The following RNLS variants were observed in gnomAD, a reference collection of about 807,000 sequenced individuals.
RNLS encodes renalase.
A neutral mutation model predicts 39.8 loss-of-function variants in RNLS; 39 were observed. The observed-to-expected ratio is 0.98, with a 90% CI of 0.76 to 1.28. The LOEUF is 1.28. RNLS is among the 50% of genes most tolerant of loss of function. RNLS has a pLI of 0.00. For synonymous variants in RNLS, 147 were observed against 150.7 expected, an observed-to-expected ratio of 0.98 and a Z score of 0.18; for missense variants, 410 against 413.3, an observed-to-expected ratio of 0.99 and a Z score of 0.07.
intron 4 of RNLS, among the ~76,000 whole-genome samples, chr10:88,471,800 C>T (rs553245303): frequency 6.6e-6 from 1 of 152,070 alleles, no homozygotes. Context: ...CTAATTCTCC[C>T]AGCAACAATG....
chr10:88,411,994 G>A (rs1222827872), intron 4 of RNLS, among the ~76,000 whole-genome samples: 5 of 152,080 alleles, frequency 3.3e-5, no homozygotes, highest in Non-Finnish European at 5.9e-5. Context: ...GCAGAGATGA[G>A]CCTGGGTCAC....
At chr10:88,575,214 G>GTATATATA (rs10583088) in intron 3 of RNLS, among the ~76,000 whole-genome samples, 1 of 128,664 alleles carries the variant, frequency 7.8e-6, no homozygotes, top group Non-Finnish European at 1.6e-5. Flanking sequence ...ATATGTGTGT[G>GTATATATA]TATATATATA....
intron 4 of RNLS, among the ~76,000 whole-genome samples, chr10:88,415,933 C>T (rs1256125688): frequency 5.9e-5 from 9 of 152,192 alleles, no homozygotes; most frequent in Non-Finnish European, 1.3e-4. Flanking sequence ...CTTCTGAACT[C>T]TTCTGTGGGT....
chr10:88,226,537 C>T, the RNLS span, among the ~76,000 whole-genome samples: 1 of 152,248 alleles, frequency 6.6e-6, no homozygotes, highest in South Asian at 2.1e-4. Context: ...CACCATCCTA[C>T]AGGGTATGAA....
At chr10:88,466,487 A>G (rs1352169062) in intron 4 of RNLS, among the ~76,000 whole-genome samples, 2 of 152,182 alleles carry the variant, frequency 1.3e-5, no homozygotes, top group Non-Finnish European at 2.9e-5. Flanking sequence ...GACATTTTAG[A>G]AACAGCCTTG....
chr10:88,372,839 C>T (rs1325335728), intron 4 of RNLS, among the ~76,000 whole-genome samples: 1 of 152,156 alleles, frequency 6.6e-6, no homozygotes, highest in Non-Finnish European at 1.5e-5. Context: ...AACACATACA[C>T]TAAGTCTGCA....
chr10:88,547,506 G>T (rs1172419120), intron 4 of RNLS, among the ~76,000 whole-genome samples: 1 of 152,158 alleles, frequency 6.6e-6, no homozygotes, highest in East Asian at 1.9e-4. Flanking sequence ...TTTCCAAAAT[G>T]TCAGCATTTT....
chr10:88,299,867 A>C (rs886806642), intron 6 of RNLS, among the ~76,000 whole-genome samples: 12 of 152,228 alleles, frequency 7.9e-5, no homozygotes, highest in Admixed American at 2.6e-4. Flanking sequence ...ATTTAAAGTA[A>C]AGATAATATT....
chr10:88,338,643 C>A (rs1199990657), intron 5 of RNLS, among the ~76,000 whole-genome samples: 3 of 152,104 alleles, frequency 2.0e-5, no homozygotes, highest in Admixed American at 2.0e-4. Context: ...TGCTCTTGAG[C>A]ACGAGAGAAC....
intron 4 of RNLS, among the ~76,000 whole-genome samples, chr10:88,402,801 C>G (rs1461201871): frequency 6.6e-6 from 1 of 151,880 alleles, no homozygotes; most frequent in Non-Finnish European, 1.5e-5. Flanking sequence ...CAAGCAGTTA[C>G]GAATGAGATA....
At chr10:88,267,480 G>A in the RNLS span, among the ~76,000 whole-genome samples, 1 of 152,120 alleles carries the variant, frequency 6.6e-6, no homozygotes, top group South Asian at 2.1e-4. Context: ...GGAGGCTGAG[G>A]CAAGAGGATT....
chr10:88,508,467 T>A (rs909215032), intron 4 of RNLS, among the ~76,000 whole-genome samples: 1 of 152,196 alleles, frequency 6.6e-6, no homozygotes, highest in African/African-American at 2.4e-5. Context: ...GAATACTCAG[T>A]ACATGTGGCT....
intron 6 of RNLS, among the ~76,000 whole-genome samples, chr10:88,305,454 C>T (rs1160324587): frequency 6.6e-6 from 1 of 152,164 alleles, no homozygotes; most frequent in African/African-American, 2.4e-5. Flanking sequence ...AGACCCATCT[C>T]ACATGCAATG....
rs140060511 is a variant in RNLS, at chr10:88,411,891, T to C, written c.527-49166A>G. ...AGAACATGAGTCACATGCGATGACA[T>C]GGAGCTGTGTGAGTGCACAGAGCAG... On this transcript the variant is annotated intron_variant, in intron 4 of 6. Transcript: ENST00000331772. Among the ~76,000 whole-genome samples, 482 of 152,146 alleles carry C rather than the reference T, an allele frequency of 3.2e-3. 1 individual carries two copies. The highest frequency in any genetic ancestry group is 6.8e-3 in the Middle Eastern group (2 of 294).
chr10:88,531,209 C>A (rs1478624705), intron 4 of RNLS, among the ~76,000 whole-genome samples: 1 of 151,436 alleles, frequency 6.6e-6, no homozygotes, highest in Non-Finnish European at 1.5e-5. Flanking sequence ...TACAGAAGTA[C>A]ACCAGAGGTC....
chr10:88,468,257 A>G, intron 4 of RNLS, among the ~76,000 whole-genome samples: 1 of 152,192 alleles, frequency 6.6e-6, no homozygotes, highest in Non-Finnish European at 1.5e-5. Flanking sequence ...AAATGATTTT[A>G]CCAAACATCT....
the RNLS span, among the ~76,000 whole-genome samples, chr10:88,205,312 T>C: frequency 2.6e-5 from 4 of 152,134 alleles, no homozygotes; most frequent in Admixed American, 6.6e-5. Flanking sequence ...TGAGTTAAAC[T>C]AATTTTTATC....
intron 5 of RNLS, among the ~76,000 whole-genome samples, chr10:88,361,634 A>T (rs1263830819): frequency 1.3e-5 from 2 of 152,202 alleles, no homozygotes; most frequent in Non-Finnish European, 2.9e-5. Flanking sequence ...TTTTTCTAAG[A>T]TCATGAGCTC....
At chr10:88,577,250 C>T (rs903663114) in intron 3 of RNLS, among the ~76,000 whole-genome samples, 21 of 152,058 alleles carry the variant, frequency 1.4e-4, no homozygotes, top group African/African-American at 7.2e-5. Context: ...ACACGTAGCA[C>T]CAGGTGGGAT....
Sources: allele counts gnomAD v4.1 joint callset (sites outside exome capture counted in the v4.1 genomes callset), GRCh38; gene constraint gnomAD v4.1.1; transcripts MANE v1.5; gene names NCBI Gene and HGNC (gene_info 2026-07-23, HGNC 2026-07-21).